Variants in CUX1 observed in about 807,000 individuals in gnomAD.
CUX1 encodes protein CASP.
CUX1 carries 31 observed loss-of-function variants against 158.8 expected under a neutral mutation model. The observed-to-expected ratio is 0.20, with a 90% CI of 0.15 to 0.26. The LOEUF is 0.26. CUX1 is among the 10% of genes least tolerant of loss of function. The probability of loss-of-function intolerance (pLI) is 1.00; values close to 1 mark genes in which losing one functional copy is unlikely to be tolerated. For missense variants in CUX1, 1,589 were observed against 2,014.6 expected (o/e 0.79, Z 4.04); for synonymous variants, 879 against 862.1 (o/e 1.02, Z -0.34).
intron 7 of CUX1, among the ~76,000 whole-genome samples, chr7:102,114,932 AGAAAG>A (rs1301029871): frequency 1.4e-5 from 2 of 143,486 alleles, no homozygotes; most frequent in Admixed American, 6.9e-5. Context: ...GTGGGAAAGA[AGAAAG>A]GAAGGGAGGG....
At chr7:102,027,969 G>C in intron 2 of CUX1, 129 bp from the exon 3 acceptor site, 1 of 835,324 alleles carries the variant, frequency 1.2e-6, no homozygotes, top group East Asian at 2.6e-5. Flanking sequence ...AATGGGTGAG[G>C]TCCCAGGCTT....
At chr7:102,039,702 A>G (rs1821845012) in intron 3 of CUX1, among the ~76,000 whole-genome samples, 1 of 151,164 alleles carries the variant, frequency 6.6e-6, no homozygotes, top group South Asian at 2.1e-4. Context: ...TCTTGCATAC[A>G]GTGCTCTGCA....
intron 1 of CUX1, among the ~76,000 whole-genome samples, chr7:101,826,683 G>A (rs764415309): frequency 2.0e-5 from 3 of 152,136 alleles, no homozygotes; most frequent in Admixed American, 6.5e-5. Flanking sequence ...CTTGGAAGGC[G>A]GGTCGGGGAG....
chr7:102,120,039 T>C (rs1831870659), intron 8 of CUX1, among the ~76,000 whole-genome samples: 1 of 152,156 alleles, frequency 6.6e-6, no homozygotes, highest in Admixed American at 6.6e-5. Context: ...AGGTGGCAGA[T>C]CCCTGGAATC....
rs1801663938 is a variant in CUX1, at chr7:102,252,907, G to A, written c.*3865G>A. 3 of 985,482 alleles carry A rather than the reference G, an allele frequency of 3.0e-6. No homozygotes were observed. The highest frequency in any genetic ancestry group is 1.2e-6 in the Non-Finnish European group (1 of 829,966). The allele number at this position is 985,482 out of a possible 1,614,324, so 61.0% of individuals were successfully genotyped here. A position where few individuals can be genotyped will look rare whatever the true frequency, so the allele number is the denominator to read the frequency against. On this transcript the variant is annotated 3_prime_UTR_variant, in exon 24 of 24. Transcript: ENST00000292535. ...CATCTTGGCATGAGGCAGCTTCTAAGCGTCTCCTGGGACAGGATTGGGGTG... is the reference window on the plus strand; with the variant it reads ...CATCTTGGCATGAGGCAGCTTCTAAACGTCTCCTGGGACAGGATTGGGGTG...
chr7:102,134,865 G>A (rs1280959858), intron 8 of CUX1, among the ~76,000 whole-genome samples: 1 of 152,068 alleles, frequency 6.6e-6, no homozygotes, highest in Non-Finnish European at 1.5e-5. Context: ...CGAAGTTCTG[G>A]GATTACAGAC....
intron 8 of CUX1, among the ~76,000 whole-genome samples, chr7:102,140,000 T>C (rs781924602): frequency 6.6e-6 from 1 of 152,140 alleles, no homozygotes; most frequent in Non-Finnish European, 1.5e-5. Context: ...ACCAGAAAAG[T>C]TGTTTTTTGT....
At chr7:101,975,821 C>T (rs905694934) in intron 2 of CUX1, among the ~76,000 whole-genome samples, 6 of 152,138 alleles carry the variant, frequency 3.9e-5, no homozygotes, top group Non-Finnish European at 7.3e-5. Context: ...TCTTTTACCT[C>T]GTCGTCATCT....
intron 9 of CUX1, among the ~76,000 whole-genome samples, 169 bp downstream of exon 9, chr7:102,158,777 A>C (rs1790079823): frequency 6.6e-6 from 1 of 152,192 alleles, no homozygotes; most frequent in Middle Eastern, 3.2e-3. Context: ...GAAAAGACAT[A>C]AAAAGTCCTA....
At chr7:102,014,298 A>G (rs954190789) in intron 2 of CUX1, among the ~76,000 whole-genome samples, 5 of 152,180 alleles carry the variant, frequency 3.3e-5, no homozygotes, top group Non-Finnish European at 7.3e-5. Context: ...TCACTCCCAC[A>G]ACACAGCCAC....
intron 8 of CUX1, among the ~76,000 whole-genome samples, chr7:102,132,504 TCC>T (rs1320290939): frequency 6.6e-6 from 1 of 151,802 alleles, no homozygotes; most frequent in Admixed American, 6.6e-5. Context: ...TCTGCTTTCT[TCC>T]TCTGCCCGAC....
intron 1 of CUX1, among the ~76,000 whole-genome samples, chr7:101,822,737 C>T (rs886919400): frequency 2.0e-5 from 3 of 151,972 alleles, no homozygotes; most frequent in African/African-American, 7.2e-5. Context: ...CTCATCTCTA[C>T]TAAAAATACA....
chr7:102,235,032 C>T (rs551947819), intron 22 of CUX1, among the ~76,000 whole-genome samples: 1 of 152,216 alleles, frequency 6.6e-6, no homozygotes, highest in African/African-American at 2.4e-5. Context: ...CCTGCCACAA[C>T]AGATCTCTCT....
intron 8 of CUX1, among the ~76,000 whole-genome samples, chr7:102,133,927 G>A (rs1486190440): frequency 5.9e-5 from 9 of 152,170 alleles, no homozygotes; most frequent in Non-Finnish European, 1.3e-4. Flanking sequence ...CCGTTGTTAC[G>A]GAGGTCACAA....
chr7:102,188,330 C>T (rs1233262160), intron 11 of CUX1, among the ~76,000 whole-genome samples: 2 of 152,188 alleles, frequency 1.3e-5, no homozygotes, highest in East Asian at 1.9e-4. Flanking sequence ...AACACCCTCC[C>T]GGCACCGCCC....
At position 102,253,942 on chromosome 7, in the gene CUX1, C is replaced by A. The variant is rs1801797398; in HGVS notation, c.*4900C>A. The stretch of plus-strand genomic sequence containing the variant: ...CTCATTGTCCCTTCTACCTCACTAA[C>A]CTGTCTTCTCCATCTGATGTCACCC... On this transcript the variant is annotated 3_prime_UTR_variant, in exon 24 of 24. Transcript: ENST00000292535. 1 of 985,516 alleles carries A rather than the reference C, an allele frequency of 1.0e-6. No homozygotes were observed. Among genetic ancestry groups the A allele is most frequent in the Admixed American group, 6.1e-5 (1 of 16,274 alleles). The allele number at this position is 985,516 out of a possible 1,614,324, so 61.0% of individuals were successfully genotyped here.
chr7:102,067,580 A>G (rs1825688691), intron 3 of CUX1, among the ~76,000 whole-genome samples: 2 of 152,016 alleles, frequency 1.3e-5, no homozygotes, highest in African/African-American at 4.8e-5. Context: ...AAAAATAGAA[A>G]TAAAGACCTG....
intron 5 of CUX1, among the ~76,000 whole-genome samples, chr7:102,101,914 TAAAAAA>T (rs66607293): frequency 7.2e-6 from 1 of 139,490 alleles, no homozygotes; most frequent in Admixed American, 7.2e-5. Context: ...TCTGTCTCAA[TAAAAAA>T]AAAAAAAAAG....
upstream of CUX1, chr7:101,816,827 G>C (rs1208120452): frequency 1.4e-6 from 1 of 721,320 alleles, no homozygotes; most frequent in Non-Finnish European, 1.7e-6. Flanking sequence ...GCCCGCGCTC[G>C]CTACCCCCGG....
Sources: gnomAD v4.1 joint callset for allele counts (sites outside exome capture counted in the v4.1 genomes callset) on GRCh38, gnomAD v4.1.1 for gene constraint, MANE v1.5 for transcripts, NCBI Gene and HGNC (gene_info 2026-07-23, HGNC 2026-07-21) for gene names.